The following PPEF1 variants were observed in gnomAD, a reference collection of about 807,000 sequenced individuals.
PPEF1 encodes serine/threonine-protein phosphatase with EF-hands 1.
A neutral mutation model predicts 53.3 loss-of-function variants in PPEF1; 12 were observed. The ratio of observed to expected loss-of-function variants is 0.23; its 90% CI spans 0.14 to 0.36. The LOEUF is 0.36. Ranked by LOEUF, PPEF1 falls within the 10% of genes least tolerant of loss-of-function variation. The pLI is 1.00. For missense variants in PPEF1, 334 were observed against 490.4 expected (o/e 0.68, Z 3.01); for synonymous variants, 165 against 176.7 (o/e 0.93, Z 0.52).
upstream of PPEF1, among the ~76,000 whole-genome samples, chrX:18,680,450 A>G (rs1380888453): frequency 3.9e-5 from 1 of 25,752 alleles, no homozygotes; most frequent in African/African-American, 1.9e-4. Flanking sequence ...TTTTTTTGAT[A>G]CGGCATCTCG....
chrX:18,718,529 G>A (rs1009387298), intron 1 of PPEF1, among the ~76,000 whole-genome samples: 1 of 111,760 alleles, frequency 8.9e-6, no homozygotes, highest in Non-Finnish European at 1.9e-5. Flanking sequence ...GGTGGAGGCT[G>A]CAGTGAACCA....
At chrX:18,765,562 A>G (rs2045748947) in intron 6 of PPEF1, among the ~76,000 whole-genome samples, 1 of 111,652 alleles carries the variant, frequency 9.0e-6, no homozygotes, top group Non-Finnish European at 1.9e-5. Flanking sequence ...CTGTAACATC[A>G]TGATATATTA....
Position 18,826,930 on chromosome X carries a change from T to C in PPEF1, c.1751-346T>C, listed in dbSNP as rs139693780. Among the ~76,000 whole-genome samples, 732 of 111,050 alleles carry C rather than the reference T, an allele frequency of 6.6e-3. 4 individuals are homozygous for C. The highest frequency in any genetic ancestry group is 0.023 in the African/African-American group (707 of 30,624). On this transcript the variant is annotated intron_variant, in intron 15 of 15. Transcript: ENST00000470157. ...CTCCCACCGTATCTTCTCCCTCTGCTTTGATGTCATCCTCCTCTCTGCCCT... is the reference window on the plus strand; with the variant it reads ...CTCCCACCGTATCTTCTCCCTCTGCCTTGATGTCATCCTCCTCTCTGCCCT...
chrX:18,679,159 C>T (rs755249986), upstream of PPEF1, among the ~76,000 whole-genome samples: 2 of 112,443 alleles, frequency 1.8e-5, no homozygotes, highest in African/African-American at 6.5e-5. Flanking sequence ...CTGCAACCTC[C>T]ACCTCCTGGG....
At chrX:18,728,175 C>G (rs1197360594) in intron 1 of PPEF1, among the ~76,000 whole-genome samples, 2 of 110,136 alleles carry the variant, frequency 1.8e-5, no homozygotes, top group Non-Finnish European at 3.8e-5. Flanking sequence ...CTCTCTGTCT[C>G]TCTCTCTCTC....
intron 10 of PPEF1, among the ~76,000 whole-genome samples, chrX:18,794,523 G>T (rs2046391519): frequency 8.9e-6 from 1 of 112,823 alleles, no homozygotes; most frequent in Admixed American, 9.4e-5. Context: ...CCACAAGTGG[G>T]GTAGTAGGCA....
At chrX:18,763,489 C>G (rs1240311745) in intron 6 of PPEF1, among the ~76,000 whole-genome samples, 1 of 111,033 alleles carries the variant, frequency 9.0e-6, no homozygotes, top group Admixed American at 9.6e-5. Flanking sequence ...TCAGTCAGTA[C>G]TGAGACAGTT....
intron 6 of PPEF1, among the ~76,000 whole-genome samples, chrX:18,778,353 C>T (rs2046010712): frequency 1.8e-5 from 2 of 111,478 alleles, no homozygotes; most frequent in South Asian, 7.6e-4. Context: ...TTTTCATACT[C>T]AAGAGTGATA....
intron 1 of PPEF1, among the ~76,000 whole-genome samples, chrX:18,724,399 C>T (rs750653308): frequency 4.9e-4 from 55 of 111,697 alleles, no homozygotes; most frequent in African/African-American, 1.7e-3. Context: ...CTCACTAACC[C>T]CGTACATGAC....
At position 18,684,532 on chromosome X, in the gene PPEF1, C is replaced by T. The variant is rs772251552; in HGVS notation, c.-637-120C>T. Among the ~76,000 whole-genome samples the T allele has an allele frequency of 5.4e-5, 6 of 111,115 alleles. No homozygotes were observed. The East Asian group carries it at 8.5e-4, about 16-fold the overall frequency. ...ATTACATTTCCTAGAGATGGCCACT[C>T]GAGAGAGAAACAGATGAGCTTAGAA... On this transcript the variant is annotated intron_variant, in intron 1 of 21. Coordinates refer to the PPEF1 transcript ENST00000361511.
At position 18,711,400 on chromosome X, in the gene PPEF1, G is replaced by A. The variant is rs186495776; in HGVS notation, c.46+3574G>A. ...TACTTGGGTAATGGTTACGCTAAAA[G>A]CCCAGACTTCATTATACATGTAACA... On this transcript the variant is annotated intron_variant, in intron 1 of 15. Transcript: ENST00000470157. Among the ~76,000 whole-genome samples, 874 of 110,409 alleles carry A rather than the reference G, an allele frequency of 7.9e-3. 9 individuals carry two copies. The highest frequency in any genetic ancestry group is 0.027 in the African/African-American group (827 of 30,377).
intron 12 of PPEF1, among the ~76,000 whole-genome samples, chrX:18,813,791 A>AT (rs1218866766): frequency 9.0e-6 from 1 of 110,999 alleles, no homozygotes; most frequent in African/African-American, 3.3e-5. Context: ...CATCAGATAA[A>AT]TTTTTTCTGC....
chrX:18,792,557 T>A (rs7056847), intron 10 of PPEF1, among the ~76,000 whole-genome samples: 1,297 of 111,453 alleles, frequency 0.012, 30 homozygotes, highest in African/African-American at 0.04. Context: ...AATATTTCCT[T>A]TTTTTTGTTG....
intron 3 of PPEF1, among the ~76,000 whole-genome samples, chrX:18,735,919 G>A (rs964562849): frequency 1.7e-4 from 19 of 111,326 alleles, no homozygotes; most frequent in African/African-American, 5.9e-4. Flanking sequence ...TCATGATTTG[G>A]CTCTCTGTTT....
chrX:18,740,963 T>G (rs2045145213), intron 3 of PPEF1, among the ~76,000 whole-genome samples: 1 of 102,229 alleles, frequency 9.8e-6, no homozygotes. Context: ...GTGTATGGCA[T>G]CTAGGAGCAT....
chrX:18,713,879 C>T (rs1228147971), intron 1 of PPEF1, among the ~76,000 whole-genome samples: 1 of 111,887 alleles, frequency 8.9e-6, no homozygotes, highest in Non-Finnish European at 1.9e-5. Flanking sequence ...GCTTTGCAAA[C>T]ATCATTTTAG....
intron 9 of PPEF1, among the ~76,000 whole-genome samples, chrX:18,788,145 T>G (rs1249758522): frequency 9.2e-6 from 1 of 109,089 alleles, no homozygotes; most frequent in Non-Finnish European, 1.9e-5. Context: ...TGACACCCCG[T>G]CTCTTCTAAA....
upstream of PPEF1, among the ~76,000 whole-genome samples, chrX:18,680,451 C>CTTTTTTTTTT (rs1569237720): frequency 6.4e-5 from 3 of 46,642 alleles, no homozygotes; most frequent in Admixed American, 4.1e-4. Context: ...TTTTTTGATA[C>CTTTTTTTTTT]GGCATCTCGC....
At chrX:18,757,809 C>A in intron 5 of PPEF1, 68 bp downstream of exon 5, 1 of 786,309 alleles carries the variant, frequency 1.3e-6, no homozygotes, top group Non-Finnish European at 1.9e-6. Flanking sequence ...GTTTGCCTAA[C>A]TTGAAAACTG....
Sources: gnomAD v4.1 joint callset for allele counts (sites outside exome capture counted in the v4.1 genomes callset) on GRCh38, gnomAD v4.1.1 for gene constraint, MANE v1.5 for transcripts, NCBI Gene and HGNC (gene_info 2026-07-23, HGNC 2026-07-21) for gene names.